The following FRMD5 variants were observed in gnomAD, a reference collection of about 807,000 sequenced individuals.
FRMD5 encodes FERM domain-containing protein 5.
FRMD5 carries 20 observed loss-of-function variants against 69.0 expected under a neutral mutation model. That is an observed-to-expected ratio of 0.29 (90% CI 0.20 to 0.42). FRMD5 has a LOEUF of 0.42. Ranked by LOEUF, FRMD5 falls within the 10% of genes least tolerant of loss-of-function variation. The pLI, the probability that FRMD5 is intolerant of heterozygous loss-of-function variation, is 1.00. For missense variants in FRMD5, 595 were observed against 708.6 expected, an observed-to-expected ratio of 0.84 and a Z score of 1.82; for synonymous variants, 271 against 260.1, an observed-to-expected ratio of 1.04 and a Z score of -0.40.
At chr15:43,925,991 C>G (rs898738986) in intron 1 of FRMD5, among the ~76,000 whole-genome samples, 1 of 152,202 alleles carries the variant, frequency 6.6e-6, no homozygotes, top group African/African-American at 2.4e-5. Context: ...CTATCTGCTT[C>G]CTTTCTAGAC....
chr15:44,000,947 G>C (rs1457669595), intron 1 of FRMD5, among the ~76,000 whole-genome samples: 1 of 152,122 alleles, frequency 6.6e-6, no homozygotes, highest in South Asian at 2.1e-4. Context: ...CCCAGTAGCT[G>C]GAACTATAGG....
intron 1 of FRMD5, among the ~76,000 whole-genome samples, chr15:44,092,123 A>T (rs2076482368): frequency 6.6e-6 from 1 of 151,912 alleles, no homozygotes; most frequent in African/African-American, 2.4e-5. Context: ...TTTGGTCGTC[A>T]CTCTCTTTTG....
rs915469470 is a variant in FRMD5 at position 44,116,820 on chromosome 15, A to G, written c.102+78133T>C. 2.6e-5 allele frequency among the ~76,000 whole-genome samples: 4 copies of G among 152,228 alleles called. No homozygotes were observed. The South Asian group carries it at 8.3e-4, about 32-fold the overall frequency. On this transcript the variant is annotated intron_variant, in intron 1 of 13. Transcript: ENST00000417257. ...GCACGGGCTGGGTGCAGTGGCTCACACTTTTAATCCCAGCACTTAGGGAGG... is the reference window on the plus strand; with the variant it reads ...GCACGGGCTGGGTGCAGTGGCTCACGCTTTTAATCCCAGCACTTAGGGAGG...
At chr15:44,191,366 T>C (rs2078189874) in intron 1 of FRMD5, among the ~76,000 whole-genome samples, 1 of 151,942 alleles carries the variant, frequency 6.6e-6, no homozygotes, top group Non-Finnish European at 1.5e-5. Context: ...GGCGGGTGGA[T>C]CACGAGGTCA....
chr15:44,025,421 T>TAC (rs1248688083), intron 1 of FRMD5, among the ~76,000 whole-genome samples: 2 of 152,060 alleles, frequency 1.3e-5, no homozygotes, highest in Non-Finnish European at 2.9e-5. Context: ...TGGGAGAATG[T>TAC]ACACACACAC....
At chr15:43,918,647 C>T (rs1312572090) in intron 4 of FRMD5, among the ~76,000 whole-genome samples, 1 of 152,140 alleles carries the variant, frequency 6.6e-6, no homozygotes, top group Non-Finnish European at 1.5e-5. Context: ...TCTAGGATTC[C>T]CTGGCATCAC....
intron 1 of FRMD5, among the ~76,000 whole-genome samples, chr15:43,932,085 G>A (rs1391783365): frequency 1.3e-5 from 2 of 152,210 alleles, no homozygotes; most frequent in African/African-American, 4.8e-5. Flanking sequence ...AAGGATGACT[G>A]TGGGGCTAAA....
intron 1 of FRMD5, among the ~76,000 whole-genome samples, chr15:43,976,548 A>C (rs2090465398): frequency 6.6e-6 from 1 of 152,244 alleles, no homozygotes; most frequent in Non-Finnish European, 1.5e-5. Flanking sequence ...AGAAAGTGAG[A>C]GAGAAGGCAA....
intron 7 of FRMD5, among the ~76,000 whole-genome samples, chr15:43,900,259 C>T (rs1344993649): frequency 6.6e-6 from 1 of 152,190 alleles, no homozygotes; most frequent in Non-Finnish European, 1.5e-5. Flanking sequence ...CTCTTCACTC[C>T]TGTGTGGGTG....
At chr15:43,923,842 C>G (rs1595523606) in intron 2 of FRMD5, among the ~76,000 whole-genome samples, 1 of 152,304 alleles carries the variant, frequency 6.6e-6, no homozygotes, top group East Asian at 1.9e-4. Context: ...TTGGTGAGGC[C>G]TTTCCTAACC....
At chr15:43,974,125 T>G (rs963665897) in intron 1 of FRMD5, among the ~76,000 whole-genome samples, 1 of 151,734 alleles carries the variant, frequency 6.6e-6, no homozygotes, top group Non-Finnish European at 1.5e-5. Flanking sequence ...AGTGGAACAG[T>G]TGGAATCAGC....
intron 1 of FRMD5, among the ~76,000 whole-genome samples, chr15:44,181,579 C>T (rs551890860): frequency 5.9e-4 from 90 of 152,146 alleles, no homozygotes; most frequent in African/African-American, 2.0e-3. Context: ...CAGAGTTGTG[C>T]AACCCTCACC....
chr15:43,919,179 G>C (rs959044761), intron 4 of FRMD5: 1 of 537,874 alleles, frequency 1.9e-6, no homozygotes, highest in African/African-American at 1.9e-5. Flanking sequence ...TAAAAGAAAA[G>C]ACGCTTCTGA....
chr15:43,969,928 C>G (rs1345291052), intron 1 of FRMD5, among the ~76,000 whole-genome samples: 1 of 152,238 alleles, frequency 6.6e-6, no homozygotes, highest in Non-Finnish European at 1.5e-5. Flanking sequence ...GCATCCTCTT[C>G]TCTCAGCACC....
intron 1 of FRMD5, among the ~76,000 whole-genome samples, chr15:44,148,044 AGC>A (rs2077382943): frequency 6.6e-6 from 1 of 152,206 alleles, no homozygotes; most frequent in African/African-American, 2.4e-5. Context: ...CTTAAAATCT[AGC>A]ATTTCTTTAA....
chr15:44,014,737 C>CAA (rs199912844), intron 1 of FRMD5, among the ~76,000 whole-genome samples: 3 of 147,184 alleles, frequency 2.0e-5, no homozygotes, highest in Non-Finnish European at 4.5e-5. Context: ...GACTTCGTCT[C>CAA]AAAAAAAAGA....
chr15:44,003,539 A>G (rs1442115361), intron 1 of FRMD5, among the ~76,000 whole-genome samples: 1 of 152,070 alleles, frequency 6.6e-6, no homozygotes, highest in Admixed American at 6.6e-5. Context: ...TCCCTTCATC[A>G]TCCTACTTTA....
At chr15:44,070,557 T>G (rs563042783) in intron 1 of FRMD5, among the ~76,000 whole-genome samples, 3 of 152,324 alleles carry the variant, frequency 2.0e-5, no homozygotes, top group African/African-American at 7.2e-5. Context: ...TGACCTCAGA[T>G]AAGTAATCTG....
At chr15:43,979,008 A>G (rs17582478) in intron 1 of FRMD5, among the ~76,000 whole-genome samples, 15,546 of 152,236 alleles carry the variant, frequency 0.1, 1,054 homozygotes, top group Non-Finnish European at 0.15. Flanking sequence ...TGAGGACAAC[A>G]CTATTTTTGG....
Sources: gnomAD v4.1 joint callset for allele counts (sites outside exome capture counted in the v4.1 genomes callset) on GRCh38, gnomAD v4.1.1 for gene constraint, MANE v1.5 for transcripts, NCBI Gene and HGNC (gene_info 2026-07-23, HGNC 2026-07-21) for gene names.